Variants in CLYBL observed in about 807,000 individuals in gnomAD.
CLYBL encodes the protein citramalyl-CoA lyase, mitochondrial.
In CLYBL, 31 loss-of-function variants were observed where a neutral mutation model predicts 38.9. That is an observed-to-expected ratio of 0.80 (90% confidence interval 0.60 to 1.08). The LOEUF (loss-of-function observed/expected upper bound fraction) is 1.08, where lower values mean the gene tolerates loss of function less well. Among genes scored for constraint, CLYBL ranks in the 50% least tolerant of loss-of-function variants. CLYBL has a pLI of 0.00. For missense variants in CLYBL, 434 were observed against 411.6 expected, an observed-to-expected ratio of 1.05 and a Z score of -0.47; for synonymous variants, 171 against 158.6, an observed-to-expected ratio of 1.08 and a Z score of -0.59.
intron 7 of CLYBL, among the ~76,000 whole-genome samples, chr13:99,871,506 C>T (rs549538671): frequency 4.0e-4 from 61 of 152,194 alleles, no homozygotes; most frequent in Non-Finnish European, 6.2e-4. Context: ...AAATCTCCTC[C>T]GGTTTAGTCA....
At chr13:99,709,045 A>G (rs1307341382) in intron 1 of CLYBL, among the ~76,000 whole-genome samples, 1 of 152,156 alleles carries the variant, frequency 6.6e-6, no homozygotes, top group Non-Finnish European at 1.5e-5. Context: ...GTGAACCGAG[A>G]TAACGCCACT....
chr13:99,835,266 T>C (rs1470730664), intron 2 of CLYBL, among the ~76,000 whole-genome samples: 2 of 152,288 alleles, frequency 1.3e-5, no homozygotes, highest in East Asian at 3.9e-4. Flanking sequence ...AGTTTATTTC[T>C]CTCTCACCCA....
chr13:99,841,162 G>A (rs942477547), intron 2 of CLYBL, among the ~76,000 whole-genome samples: 2 of 152,152 alleles, frequency 1.3e-5, no homozygotes, highest in African/African-American at 4.8e-5. Context: ...TCGAGAGGTG[G>A]AGAGCATACT....
intron 2 of CLYBL, among the ~76,000 whole-genome samples, chr13:99,831,665 C>T (rs2050805807): frequency 6.6e-6 from 1 of 150,526 alleles, no homozygotes; most frequent in Admixed American, 6.6e-5. Context: ...TTTTTTTTTG[C>T]CCGTGTAATA....
At position 99,606,709 on chromosome 13, in the gene CLYBL, T is replaced by TGCTGCGGAGGGCGGCGCGCGGA. The variant is rs1298925428; in HGVS notation, c.22_43dup (p.Ala15GlufsTer21). 44 of 1,493,824 alleles carry TGCTGCGGAGGGCGGCGCGCGGA rather than the reference T, an allele frequency of 2.9e-5. No homozygotes were observed. The highest frequency in any genetic ancestry group is 2.0e-4 in the African/African-American group (14 of 68,702). 92.5% of individuals were successfully genotyped at this position (1,493,824 alleles called of 1,614,324 possible). ...CGCGTCGGGAAGATGGCGCTACGTC[T>TGCTGCGGAGGGCGGCGCGCGGA]GCTGCGGAGGGCGGCGCGCGGAGCT... is the stretch of plus-strand genomic sequence containing the variant. On this transcript the variant is annotated frameshift_variant, in exon 1 of 9. Transcript: ENST00000339105. LOFTEE classifies it high-confidence loss of function.
intron 1 of CLYBL, among the ~76,000 whole-genome samples, chr13:99,700,656 T>C (rs529737535): frequency 6.6e-6 from 1 of 152,206 alleles, no homozygotes; most frequent in East Asian, 1.9e-4. Context: ...AGCCTTGATG[T>C]CCCTTTCACG....
intron 2 of CLYBL, among the ~76,000 whole-genome samples, chr13:99,821,263 A>G (rs796264534): frequency 1.9e-4 from 29 of 152,266 alleles, no homozygotes; most frequent in African/African-American, 6.5e-4. Flanking sequence ...AGGGATGTCT[A>G]TATTTATCGG....
chr13:99,819,450 ATATATATATATATAT>A lies in CLYBL; in HGVS notation c.250-39410_250-39396del, dbSNP rs1566340214. ...TATATATATATATATATATATATAT[ATATATATATATATAT>A]ATAATATTTGTCAGGGTTGTCTGGG... On this transcript the variant is annotated intron_variant, in intron 2 of 8. Coordinates refer to ENST00000339105, the MANE Select transcript of CLYBL (RefSeq NM_206808.5). 3.8e-3 allele frequency among the ~76,000 whole-genome samples: 326 copies of A among 84,726 alleles called. 11 individuals carry two copies. Among genetic ancestry groups the A allele is most frequent in the Admixed American group, 9.0e-3 (62 of 6,884 alleles). 55.6% of individuals were successfully genotyped at this position (84,726 alleles called of 152,430 possible).
At chr13:99,895,695 T>G (rs2052567116), downstream of CLYBL, 1 of 152,102 alleles carries the variant, frequency 6.6e-6, no homozygotes, top group African/African-American at 2.4e-5. Context: ...CAGTTGTTAT[T>G]TGGCAGCATA....
intron 6 of CLYBL, 122 bp from the exon 7 acceptor site, chr13:99,870,814 AAG>A: frequency 3.2e-6 from 3 of 941,266 alleles, no homozygotes; most frequent in Non-Finnish European, 3.1e-6. Context: ...ACTCAATAAA[AAG>A]TTTTAAATTA....
intron 1 of CLYBL, among the ~76,000 whole-genome samples, chr13:99,633,534 CAAA>C (rs71215536): frequency 8.2e-6 from 1 of 121,682 alleles, no homozygotes; most frequent in Admixed American, 8.5e-5. Context: ...GACTCTGTCT[CAAA>C]AAAAAAAAAA....
intron 2 of CLYBL, among the ~76,000 whole-genome samples, chr13:99,811,126 C>A (rs1426025942): frequency 1.3e-5 from 2 of 152,162 alleles, no homozygotes; most frequent in Non-Finnish European, 2.9e-5. Context: ...TCCATCAATC[C>A]CAAAGCCAGC....
chr13:99,872,870 G>A (rs1054645307), intron 7 of CLYBL, among the ~76,000 whole-genome samples: 3 of 152,002 alleles, frequency 2.0e-5, no homozygotes, highest in Non-Finnish European at 2.9e-5. Context: ...CTTGAAAAGC[G>A]TTGTTCCCTG....
chr13:99,833,623 A>G (rs1313637184), intron 2 of CLYBL, among the ~76,000 whole-genome samples: 1 of 135,492 alleles, frequency 7.4e-6, no homozygotes, highest in Admixed American at 7.7e-5. Flanking sequence ...GTGCCTAGGT[A>G]TTTGGCACTG....
At chr13:99,885,105 G>A (rs748070471) in intron 7 of CLYBL, 4 of 529,810 alleles carry the variant, frequency 7.5e-6, no homozygotes, top group Non-Finnish European at 1.5e-5. Flanking sequence ...GGGAGTCAAA[G>A]GTACGTGAGG....
intron 1 of CLYBL, among the ~76,000 whole-genome samples, chr13:99,764,969 G>A (rs934860725): frequency 5.3e-5 from 8 of 151,914 alleles, no homozygotes; most frequent in Non-Finnish European, 1.2e-4. Flanking sequence ...AATTGTAGGT[G>A]TGAGCCACCA....
intron 2 of CLYBL, among the ~76,000 whole-genome samples, chr13:99,790,636 C>G (rs1260000556): frequency 6.6e-6 from 1 of 152,182 alleles, no homozygotes; most frequent in African/African-American, 2.4e-5. Flanking sequence ...ATACCCACTT[C>G]ATGACTAATT....
intron 2 of CLYBL, among the ~76,000 whole-genome samples, chr13:99,776,983 G>A (rs1376776725): frequency 6.6e-6 from 1 of 151,974 alleles, no homozygotes; most frequent in Non-Finnish European, 1.5e-5. Context: ...GGGTTCAAGT[G>A]ATTCTGCTGC....
At chr13:99,816,716 C>T (rs2050455811) in intron 2 of CLYBL, among the ~76,000 whole-genome samples, 1 of 152,194 alleles carries the variant, frequency 6.6e-6, no homozygotes, top group South Asian at 2.1e-4. Flanking sequence ...AGCAAGTCCT[C>T]ACCAAACACC....
Sources: gnomAD v4.1 joint callset for allele counts (sites outside exome capture counted in the v4.1 genomes callset) on GRCh38, gnomAD v4.1.1 for gene constraint, MANE v1.5 for transcripts, NCBI Gene and HGNC (gene_info 2026-07-23, HGNC 2026-07-21) for gene names.